KDM2B: variants seen among roughly 807,000 people sequenced by gnomAD.
KDM2B encodes lysine demethylase 2B, also known as lysine-specific demethylase 2B.
KDM2B carries 26 observed loss-of-function variants against 150.0 expected under a neutral mutation model. That is an observed-to-expected ratio of 0.17 (90% confidence interval 0.13 to 0.24). The LOEUF (loss-of-function observed/expected upper bound fraction) is 0.24. Ranked by LOEUF, KDM2B falls within the 10% of genes least tolerant of loss-of-function variation. KDM2B has a pLI of 1.00. For missense variants in KDM2B, 1,265 were observed against 1,816.9 expected, an observed-to-expected ratio of 0.70 and a Z score of 5.52; for synonymous variants, 734 against 729.5, an observed-to-expected ratio of 1.01 and a Z score of -0.10.
the KDM2B span, chr12:121,423,660 C>A: frequency 1.7e-6 from 2 of 1,161,652 alleles, no homozygotes; most frequent in South Asian, 1.5e-5. The surrounding 1 kb of genome is among the most constrained non-coding windows in gnomAD (Gnocchi z 4.3). Flanking sequence ...AAGTTATGTT[C>A]AAAGGCTGAA....
At chr12:121,439,027 C>T (rs1248561610) in intron 22 of KDM2B, among the ~76,000 whole-genome samples, 4 of 152,182 alleles carry the variant, frequency 2.6e-5, no homozygotes, top group Admixed American at 6.5e-5. Context: ...GCCGCCCCAA[C>T]GGCAAGTGCA....
At chr12:121,476,714 TCTCC>T (rs1881426929) in intron 12 of KDM2B, among the ~76,000 whole-genome samples, 1 of 152,072 alleles carries the variant, frequency 6.6e-6, no homozygotes, top group Non-Finnish European at 1.5e-5. Flanking sequence ...ATGGCTTTTC[TCTCC>T]CTCCTTCCTT....
rs566038971 is a variant in KDM2B, at chr12:121,549,398, G to A, written c.576+62C>T. 1.8e-3 allele frequency: 2,602 copies of A among 1,459,972 alleles called. 5 individuals are homozygous for A. The highest frequency in any genetic ancestry group is 2.7e-3 in the Middle Eastern group (15 of 5,460). 90.4% of individuals were successfully genotyped at this position (1,459,972 alleles called of 1,614,324 possible). On this transcript the variant is annotated intron_variant, in intron 5 of 22. Transcript: ENST00000377071. The surrounding 1 kb of genome is among the most constrained non-coding windows in gnomAD (Gnocchi z 4.4). ...TTGCAAGGCACAACCCAGGTGGCAG[G>A]GGGACAGGGAAGGAGATGAGGTGGA...
At chr12:121,448,524 C>T (rs1469242585) in intron 13 of KDM2B, among the ~76,000 whole-genome samples, 1 of 151,974 alleles carries the variant, frequency 6.6e-6, no homozygotes, top group Non-Finnish European at 1.5e-5. Flanking sequence ...ACTTGATGCA[C>T]CCGGCTGTGA....
At chr12:121,418,879 G>T in the KDM2B span, 2 of 152,164 alleles carry the variant, frequency 1.3e-5, no homozygotes, top group African/African-American at 4.8e-5. Context: ...GTTAATTTTT[G>T]TATTTTTAGT....
chr12:121,478,142 T>C (rs1881598502), intron 12 of KDM2B, among the ~76,000 whole-genome samples: 1 of 152,110 alleles, frequency 6.6e-6, no homozygotes, highest in Non-Finnish European at 1.5e-5. Context: ...CCCAAAGTGC[T>C]GGGATTACAG....
At position 121,453,107 on chromosome 12, in the gene KDM2B, G is replaced by A. The variant is rs368263066; in HGVS notation, c.1959+13C>T. ...CTGAATCGAGCGCAGGGCTGGGCGGGGGCCGCACTCACCGCGATGCACTGC... is the reference window on the plus strand; with the variant it reads ...CTGAATCGAGCGCAGGGCTGGGCGGAGGCCGCACTCACCGCGATGCACTGC... On this transcript the variant is annotated intron_variant, in intron 13 of 22. Coordinates refer to ENST00000377071, the MANE Select transcript of KDM2B (RefSeq NM_032590.5). This position sits in a 1 kb window ranked among gnomAD's most constrained non-coding sequence, Gnocchi z 6.4. The A allele has an allele frequency of 5.6e-6, 9 of 1,598,300 alleles. No homozygotes were observed. The highest frequency in any genetic ancestry group is 2.2e-5 in the East Asian group (1 of 44,600).
chr12:121,502,131 G>C (rs1232606940), intron 11 of KDM2B, among the ~76,000 whole-genome samples: 2 of 152,154 alleles, frequency 1.3e-5, no homozygotes, highest in African/African-American at 4.8e-5. Context: ...GCACCGGCCT[G>C]TTTTCATTCT....
chr12:121,545,910 A>G (rs993080358), intron 6 of KDM2B, among the ~76,000 whole-genome samples: 1 of 150,796 alleles, frequency 6.6e-6, no homozygotes, highest in Middle Eastern at 3.4e-3. Flanking sequence ...CACCATCCCA[A>G]GTCGACTACA....
chr12:121,482,870 G>A (rs1882307177), intron 12 of KDM2B, among the ~76,000 whole-genome samples: 1 of 152,042 alleles, frequency 6.6e-6, no homozygotes, highest in Non-Finnish European at 1.5e-5. Flanking sequence ...AAATGAATAA[G>A]GAAAACGTTA....
intron 22 of KDM2B, among the ~76,000 whole-genome samples, chr12:121,432,037 C>G (rs782261063): frequency 6.6e-6 from 1 of 151,748 alleles, no homozygotes; most frequent in South Asian, 2.1e-4. Flanking sequence ...CCGGCCACCA[C>G]GCCTGGCTAA....
chr12:121,472,113 A>G (rs1880833315), intron 12 of KDM2B, among the ~76,000 whole-genome samples: 1 of 152,056 alleles, frequency 6.6e-6, no homozygotes, highest in Non-Finnish European at 1.5e-5. Context: ...ACAGAGCAAC[A>G]CCCTGTCTCA....
At position 121,494,635 on chromosome 12, in the gene KDM2B, G is replaced by T. The variant is rs782679704; in HGVS notation, c.1678C>A (p.Pro560Thr). ...GGGACCCCAGTGATGGCCAGACTAG[G>T]GTCATCATCTGCGTGCTCCTTCAGG... ...NVLKEHADDDPSLAITGVPVV... is the reference protein window; with the variant it reads ...NVLKEHADDDTSLAITGVPVV... Residue 560 changes from proline to threonine, a missense_variant, in exon 12 of 23, where the codon CCT becomes ACT. Transcript: ENST00000377071. 6.2e-7 allele frequency: 1 copy of T among 1,613,288 alleles called. No homozygotes were observed. The highest frequency in any genetic ancestry group is 8.5e-7 in the Non-Finnish European group (1 of 1,179,680).
intron 12 of KDM2B, among the ~76,000 whole-genome samples, chr12:121,458,135 C>T (rs1555293177): frequency 6.6e-6 from 1 of 152,184 alleles, no homozygotes; most frequent in African/African-American, 2.4e-5. Flanking sequence ...ATAATCTCAG[C>T]ACTTTGGGAG....
At chr12:121,580,339 G>C in intron 1 of KDM2B, 5 of 1,148,614 alleles carry the variant, frequency 4.4e-6, no homozygotes, top group Middle Eastern at 3.6e-4. Context: ...GGCTATTTGG[G>C]GGGGCTCTCG....
chr12:121,418,812 G>C, the KDM2B span: 10 of 152,106 alleles, frequency 6.6e-5, no homozygotes, highest in Admixed American at 6.6e-4. Flanking sequence ...CCTCTGCCCC[G>C]CTGGGTTCAA....
rs1872771720 is a variant in KDM2B at position 121,430,155 on chromosome 12, T to C, written c.*133A>G. 3 of 1,614,220 alleles carry C rather than the reference T, an allele frequency of 1.9e-6. No individual in the cohort carries two copies. The highest frequency in any genetic ancestry group is 1.7e-6 in the Non-Finnish European group (2 of 1,180,030). On this transcript the variant is annotated 3_prime_UTR_variant, in exon 23 of 23. Coordinates refer to ENST00000377071, the MANE Select transcript of KDM2B (RefSeq NM_032590.5). This position sits in a 1 kb window ranked among gnomAD's most constrained non-coding sequence, Gnocchi z 4.4. ...AACGGGTGGTTGAACAGCTTCTCCC[T>C]TGGAAAGACTTGCAAAATGGAATTG...
At position 121,580,948 on chromosome 12, in the gene KDM2B, G is replaced by C. The variant is rs1891932605; in HGVS notation, c.-37C>G. On this transcript the variant is annotated 5_prime_UTR_variant, in exon 1 of 23. Transcript: ENST00000377071. ...ATTTGGGGGGCTCAGAAGGAAATTAGCTCGGCTTCCATACCTATAAGGACT... is the reference window on the plus strand; with the variant it reads ...ATTTGGGGGGCTCAGAAGGAAATTACCTCGGCTTCCATACCTATAAGGACT... The C allele has an allele frequency of 6.2e-7, 1 of 1,609,314 alleles. No individual in the cohort carries two copies. Among genetic ancestry groups the C allele is most frequent in the African/African-American group, 1.3e-5 (1 of 74,634 alleles).
rs1885230513 is a variant in KDM2B at position 121,507,877 on chromosome 12, G to A, written c.1647+1690C>T. Among the ~76,000 whole-genome samples the A allele has an allele frequency of 2.0e-5, 3 of 152,078 alleles. No individual in the cohort carries two copies. In the South Asian group the frequency reaches 6.2e-4, roughly 32 times the overall value. On this transcript the variant is annotated intron_variant, in intron 11 of 22. Transcript: ENST00000377071. The stretch of plus-strand genomic sequence containing the variant: ...AAATTAAAAATTAGCCGAGCATGGT[G>A]GCATGCACCTGTAGTCCCAGCTACT...
Sources: gnomAD v4.1 joint callset for allele counts (sites outside exome capture counted in the v4.1 genomes callset) on GRCh38, gnomAD v4.1.1 for gene constraint, Gnocchi (gnomAD v3.1) non-coding constraint, MANE v1.5 for transcripts, NCBI Gene and HGNC (gene_info 2026-07-23, HGNC 2026-07-21) for gene names.